Variants in TBC1D10C observed in about 807,000 individuals in gnomAD.
TBC1D10C encodes the protein TBC1 domain family member 10C.
Under a neutral mutation model 51.0 loss-of-function variants are expected in TBC1D10C, and 49 were observed. The observed-to-expected ratio is 0.96, with a 90% CI of 0.76 to 1.22. The LOEUF is 1.22. Ranked by LOEUF, TBC1D10C falls within the 50% of genes most tolerant of loss-of-function variation. The pLI, the probability that TBC1D10C is intolerant of heterozygous loss-of-function variation, is 0.00. For missense variants in TBC1D10C, 541 were observed against 617.5 expected, an observed-to-expected ratio of 0.88 and a Z score of 1.31; for synonymous variants, 281 against 266.7, an observed-to-expected ratio of 1.05 and a Z score of -0.52.
At chr11:67,406,592 A>G (rs1353889550) in intron 5 of TBC1D10C, 35 bp from the exon 6 acceptor site, 2 of 1,536,692 alleles carry the variant, frequency 1.3e-6, no homozygotes, top group East Asian at 4.9e-5. Flanking sequence ...TTCCTTGGTG[A>G]GCACTTACAG....
At chr11:67,405,246 T>A in intron 2 of TBC1D10C, 62 bp downstream of exon 2, 2 of 1,528,194 alleles carry the variant, frequency 1.3e-6, no homozygotes, top group Middle Eastern at 1.7e-4. Context: ...TCAGCCCACA[T>A]CTTGGCAAAA....
chr11:67,404,401 G>C (rs777260303), intron 1 of TBC1D10C, 47 bp downstream of exon 1: 2 of 1,500,984 alleles, frequency 1.3e-6, no homozygotes, highest in Non-Finnish European at 1.8e-6. Flanking sequence ...ACAGAGGACA[G>C]GGGGCTGAGG....
intron 1 of TBC1D10C, 50 bp downstream of exon 1, chr11:67,404,404 G>A: frequency 6.7e-7 from 1 of 1,494,646 alleles, no homozygotes; most frequent in Middle Eastern, 1.8e-4. Context: ...GAGGACAGGG[G>A]GCTGAGGGCT....
chr11:67,408,541 C>G (rs905052253), intron 7 of TBC1D10C: 1 of 158,554 alleles, frequency 6.3e-6, no homozygotes, highest in Admixed American at 6.5e-5. Context: ...GGCACATCAC[C>G]TGTCACCCGG....
chr11:67,403,995 G>C (rs997993366), upstream of TBC1D10C: 1 of 505,354 alleles, frequency 2.0e-6, no homozygotes, highest in Non-Finnish European at 3.3e-6. Context: ...AGGGCTTGGG[G>C]CTGGGTCTCC....
In TBC1D10C at chr11:67,404,201, C is replaced by T. The variant is rs767985100; in HGVS notation, c.-2C>T. ...CCTGTGGCATCGAAGGCCCCGGGCA[C>T]CATGGCCCAGGCCCTGGGGGAGGAC... On this transcript the variant is annotated 5_prime_UTR_variant, in exon 1 of 9. Coordinates refer to ENST00000542590, the MANE Select transcript of TBC1D10C (RefSeq NM_001369496.1). The T allele has an allele frequency of 6.5e-7, 1 of 1,533,124 alleles. No individual in the cohort carries two copies. The highest frequency in any genetic ancestry group is 2.1e-5 in the Admixed American group (1 of 48,312). 95.0% of individuals were successfully genotyped at this position (1,533,124 alleles called of 1,614,324 possible). A position where few individuals can be genotyped will look rare whatever the true frequency, so the allele number is the denominator to read the frequency against.
In TBC1D10C at chr11:67,404,311, G is replaced by A. The variant is rs777348188; in HGVS notation, c.109G>A (p.Ala37Thr). 1.3e-6 allele frequency: 2 copies of A among 1,599,488 alleles called. No individual in the cohort carries two copies. The highest frequency in any genetic ancestry group is 2.3e-5 in the East Asian group (1 of 43,982). ...CAGCGGGCCTGGCCCATATCGCCAG[G>A]CCGACCGCTATGGATTCATTGGGGG... Reference protein sequence around the residue: ...ELSGPGPYRQADRYGFIGGSS... With the variant: ...ELSGPGPYRQTDRYGFIGGSS... Residue 37 changes from alanine to threonine, a missense_variant, in exon 1 of 9, where the codon GCC becomes ACC. Physicochemically the swap from Ala to Thr is moderately conservative, Grantham distance 58 (BLOSUM62 0). Coordinates refer to ENST00000542590, the MANE Select transcript of TBC1D10C (RefSeq NM_001369496.1).
At chr11:67,404,055 A>C, upstream of TBC1D10C, 2 of 999,192 alleles carry the variant, frequency 2.0e-6, no homozygotes, top group Non-Finnish European at 1.4e-6. Flanking sequence ...CCCTGCCCCC[A>C]TAAAAGAGGA....
chr11:67,409,688 C>T lies in TBC1D10C; in HGVS notation c.1275C>T (p.Gly425=), dbSNP rs1395659298. Residue 425 remains glycine, a synonymous_variant, in exon 9 of 9, where the codon GGC becomes GGT. Transcript: ENST00000542590. ...TFHGLLTRAR[G]PPIEGPPRPQ... is the part of the protein sequence containing the mutation. The stretch of plus-strand genomic sequence containing the variant: ...ATGGGCTCCTGACTCGGGCCCGGGG[C>T]CCCCCCATCGAGGGGCCCCCCAGGC... 3.8e-6 allele frequency: 6 copies of T among 1,595,084 alleles called. No homozygotes were observed. In the Admixed American group the frequency reaches 5.2e-5, roughly 14 times the overall value.
intron 6 of TBC1D10C, 51 bp downstream of exon 6, chr11:67,406,743 G>A: frequency 1.3e-6 from 2 of 1,593,832 alleles, no homozygotes; most frequent in Non-Finnish European, 1.7e-6. Context: ...GGCCCGGTGA[G>A]TGGGTGGGGG....
intron 1 of TBC1D10C, among the ~76,000 whole-genome samples, chr11:67,404,658 C>T (rs1168313523): frequency 6.6e-6 from 1 of 152,090 alleles, no homozygotes. Flanking sequence ...CCTCCTCCTT[C>T]CCCCTTTCCC....
intron 7 of TBC1D10C, chr11:67,407,322 T>G: frequency 5.8e-6 from 2 of 342,396 alleles, no homozygotes; most frequent in South Asian, 6.9e-5. Flanking sequence ...AGGCACCTGC[T>G]GGGTGCTCAC....
intron 6 of TBC1D10C, 36 bp downstream of exon 6, chr11:67,406,728 G>A (rs751843786): frequency 6.3e-7 from 1 of 1,580,342 alleles, no homozygotes; most frequent in Non-Finnish European, 8.6e-7. Flanking sequence ...GGAAGGAGGG[G>A]CAGGGGCCCG....
Position 67,409,630 on chromosome 11 carries a change from G to T in TBC1D10C, c.1217G>T (p.Arg406Leu). Residue 406 changes from arginine (R) to leucine (L), a missense_variant, in exon 9 of 9, where the codon CGG (arginine) becomes CTG (leucine). Coordinates refer to ENST00000542590, the MANE Select transcript of TBC1D10C (RefSeq NM_001369496.1). ...VQPPEEPRPP[R>L]RKPQTRGKTF... is the part of the protein sequence containing the mutation. ...CCCCCGGAGGAGCCCAGACCACCGCGGCGGAAACCCCAGACCCGCGGCAAG... is the reference window on the plus strand; with the variant it reads ...CCCCCGGAGGAGCCCAGACCACCGCTGCGGAAACCCCAGACCCGCGGCAAG... 6.3e-7 allele frequency: 1 copy of T among 1,581,112 alleles called. No homozygotes were observed. Among genetic ancestry groups the T allele is most frequent in the East Asian group, 2.3e-5 (1 of 43,878 alleles).
In TBC1D10C at chr11:67,406,003, C is replaced by A. The variant is rs1863147032; in HGVS notation, c.568C>A (p.His190Asn). 4 of 1,591,712 alleles carry A rather than the reference C, an allele frequency of 2.5e-6. No homozygotes were observed. The highest frequency in any genetic ancestry group is 3.3e-4 in the Middle Eastern group (2 of 6,002). ...QGPVAAVLLM[H>N]LPPEEAFWCL... is the part of the protein sequence containing the mutation. Reference sequence around the variant, plus strand: ...GCCCGTGGCTGCTGTGCTGCTCATGCACCTGCCCCCAGAGGTGAGTGACCT... The same window carrying A: ...GCCCGTGGCTGCTGTGCTGCTCATGAACCTGCCCCCAGAGGTGAGTGACCT... The change falls in exon 5 of 9, where the codon CAC becomes AAC. Residue 190 changes from histidine to asparagine, a missense_variant. Transcript: ENST00000542590.
At chr11:67,405,869 C>A in intron 4 of TBC1D10C, 34 bp from the exon 5 acceptor site, 1 of 1,562,140 alleles carries the variant, frequency 6.4e-7, no homozygotes, top group Non-Finnish European at 8.7e-7. Flanking sequence ...GGGGTGCCTG[C>A]AGGACTGGCC....
Position 67,405,715 on chromosome 11 carries a change from G to A in TBC1D10C, c.467+14G>A. 2.5e-6 allele frequency: 4 copies of A among 1,612,774 alleles called. No individual in the cohort carries two copies. Among genetic ancestry groups the A allele is most frequent in the Non-Finnish European group, 3.4e-6 (4 of 1,179,416 alleles). ...TCAGGGCCACGGGTACGAGGCCGGT[G>A]ATGCCCAGGGACCCCCAGCCCCACA... On this transcript the variant is annotated intron_variant, in intron 4 of 8. Transcript: ENST00000542590.
Position 67,409,964 on chromosome 11 carries a change from C to T in TBC1D10C, c.*210C>T. On this transcript the variant is annotated 3_prime_UTR_variant, in exon 9 of 9. Coordinates refer to ENST00000542590, the MANE Select transcript of TBC1D10C (RefSeq NM_001369496.1). Reference sequence around the variant, plus strand: ...GGTCACAGAGTGGGGCACGTGAGGACCCATGGAACCGTCCTGGTGCCCAGG... The same window carrying T: ...GGTCACAGAGTGGGGCACGTGAGGATCCATGGAACCGTCCTGGTGCCCAGG... The T allele has an allele frequency of 1.8e-6, 1 of 554,642 alleles. No homozygotes were observed. Among genetic ancestry groups the T allele is most frequent in the Admixed American group, 3.6e-5 (1 of 27,846 alleles). The allele number at this position is 554,642 out of a possible 1,614,324, so 34.4% of individuals were successfully genotyped here.
Position 67,409,594 on chromosome 11 carries a change from T to A in TBC1D10C, c.1181T>A (p.Ile394Asn). ...GGCGCCAAGCCTGAGGTGCCTCGGA[T>A]TGTGGTGCAGCCCCCGGAGGAGCCC... ...RRGAKPEVPR[I>N]VVQPPEEPRP... The change falls in exon 9 of 9, where the codon ATT becomes AAT. Residue 394 changes from isoleucine to asparagine, a missense_variant. Physicochemically the swap from Ile to Asn is moderately radical, Grantham distance 149. Transcript: ENST00000542590. 1 of 1,550,330 alleles carries A rather than the reference T, an allele frequency of 6.5e-7. No homozygotes were observed. The highest frequency in any genetic ancestry group is 8.7e-7 in the Non-Finnish European group (1 of 1,147,664).
Sources: allele counts gnomAD v4.1 joint callset (sites outside exome capture counted in the v4.1 genomes callset), GRCh38; gene constraint gnomAD v4.1.1; transcripts MANE v1.5; gene names NCBI Gene and HGNC (gene_info 2026-07-23, HGNC 2026-07-21).